FOXP2: variants seen among roughly 807,000 people sequenced by gnomAD.
The protein encoded by FOXP2 is forkhead box protein P2.
In FOXP2, 12 loss-of-function variants were observed where a neutral mutation model predicts 115.8. The ratio of observed to expected loss-of-function variants is 0.10; its 90% confidence interval spans 0.07 to 0.17. The LOEUF (loss-of-function observed/expected upper bound fraction) is 0.17. Ranked by LOEUF, FOXP2 falls within the 10% of genes least tolerant of loss-of-function variation. The probability of loss-of-function intolerance (pLI) is 1.00; values close to 1 mark genes in which losing one functional copy is unlikely to be tolerated. For synonymous variants in FOXP2, 328 were observed against 297.7 expected (o/e 1.10, Z -1.05); for missense variants, 629 against 843.5 (o/e 0.75, Z 3.15).
At chr7:114,212,887 T>C (rs2129162126) in intron 1 of FOXP2, among the ~76,000 whole-genome samples, 1 of 152,314 alleles carries the variant, frequency 6.6e-6, no homozygotes, top group South Asian at 2.1e-4. Flanking sequence ...GGTGCCAGCT[T>C]TGGCATCTGC....
chr7:114,232,958 AAAG>A (rs1794922413), intron 1 of FOXP2, among the ~76,000 whole-genome samples: 1 of 152,222 alleles, frequency 6.6e-6, no homozygotes, highest in South Asian at 2.1e-4. Context: ...TGAGGTATCT[AAAG>A]TAGTCAAACT....
chr7:114,270,484 A>T (rs1796008586), intron 1 of FOXP2, among the ~76,000 whole-genome samples: 1 of 152,132 alleles, frequency 6.6e-6, no homozygotes, highest in Non-Finnish European at 1.5e-5. Flanking sequence ...TCAGCATTTG[A>T]TGTTGCCAGT....
chr7:114,384,789 C>T (rs760913780), intron 2 of FOXP2, among the ~76,000 whole-genome samples: 2 of 151,334 alleles, frequency 1.3e-5, no homozygotes, highest in East Asian at 1.9e-4. Context: ...GCGCTCACAA[C>T]GAGGTTTCCT....
At chr7:114,190,020 T>C (rs2129157113) in intron 1 of FOXP2, among the ~76,000 whole-genome samples, 1 of 152,312 alleles carries the variant, frequency 6.6e-6, no homozygotes, top group African/African-American at 2.4e-5. Flanking sequence ...ATGTACTCAC[T>C]TGATGCATTC....
At chr7:114,144,551 C>T (rs1792312955) in intron 1 of FOXP2, among the ~76,000 whole-genome samples, 1 of 152,030 alleles carries the variant, frequency 6.6e-6, no homozygotes, top group African/African-American at 2.4e-5. Context: ...AGTAGATCTT[C>T]TAACCATGTT....
chr7:114,467,778 C>A (rs933655767), intron 2 of FOXP2, among the ~76,000 whole-genome samples: 6 of 152,088 alleles, frequency 3.9e-5, no homozygotes, highest in African/African-American at 1.4e-4. Context: ...TTAATATTGT[C>A]ATTTTTGAAA....
At chr7:114,093,766 T>C (rs1342376036) in intron 1 of FOXP2, among the ~76,000 whole-genome samples, 1 of 152,114 alleles carries the variant, frequency 6.6e-6, no homozygotes, top group Non-Finnish European at 1.5e-5. Flanking sequence ...TAAATATAGA[T>C]TTTAAAATCT....
chr7:114,420,144 A>G (rs994637251), intron 1 of FOXP2, among the ~76,000 whole-genome samples: 1 of 151,848 alleles, frequency 6.6e-6, no homozygotes, highest in African/African-American at 2.4e-5. Context: ...CCTGAGGGTT[A>G]AGGAAAGATA....
chr7:114,271,600 ATAT>A (rs1796046338), intron 1 of FOXP2, among the ~76,000 whole-genome samples: 1 of 124,140 alleles, frequency 8.1e-6, no homozygotes, highest in Admixed American at 1.0e-4. Context: ...TTATAATATA[ATAT>A]TAATATATAA....
chr7:114,372,953 G>T (rs1584674424), intron 2 of FOXP2, among the ~76,000 whole-genome samples: 2 of 151,506 alleles, frequency 1.3e-5, no homozygotes, highest in Admixed American at 1.3e-4. Context: ...GGATTTATCT[G>T]TTCATTTGTG....
At chr7:114,133,985 A>G (rs1424578484) in intron 1 of FOXP2, among the ~76,000 whole-genome samples, 2 of 152,170 alleles carry the variant, frequency 1.3e-5, no homozygotes, top group East Asian at 1.9e-4. Flanking sequence ...TAGCAACACA[A>G]AACAGACTAA....
At chr7:114,508,591 C>T (rs933363281) in intron 2 of FOXP2, among the ~76,000 whole-genome samples, 1 of 152,026 alleles carries the variant, frequency 6.6e-6, no homozygotes, top group South Asian at 2.1e-4. Flanking sequence ...AGCAGGAAAC[C>T]TAAAGGGTGG....
Position 114,288,267 on chromosome 7 carries a change from T to C in FOXP2, c.-11+158T>C, listed in dbSNP as rs193076681. ...AATTGAGACATGTTAAGTGTGGCAGTAGAAATATTAATCACTGCTATTGGG... is the reference window on the plus strand; with the variant it reads ...AATTGAGACATGTTAAGTGTGGCAGCAGAAATATTAATCACTGCTATTGGG... On this transcript the variant is annotated intron_variant, in intron 2 of 17. Transcript: ENST00000634411. Among the ~76,000 whole-genome samples, 194 of 152,082 alleles carry C rather than the reference T, an allele frequency of 1.3e-3. 1 individual carries two copies. The highest frequency in any genetic ancestry group is 4.3e-3 in the African/African-American group (180 of 41,564).
chr7:114,312,507 C>A (rs1039158467), intron 2 of FOXP2, among the ~76,000 whole-genome samples: 1 of 152,114 alleles, frequency 6.6e-6, no homozygotes, highest in South Asian at 2.1e-4. Context: ...TCCAGCAAAC[C>A]GTGTCTCTGT....
At chr7:114,214,128 T>G (rs1254560482) in intron 1 of FOXP2, among the ~76,000 whole-genome samples, 1 of 152,216 alleles carries the variant, frequency 6.6e-6, no homozygotes, top group Non-Finnish European at 1.5e-5. Flanking sequence ...GAATGTTTGC[T>G]CCATGTGAGA....
At chr7:114,519,759 C>T (rs1004542367) in intron 2 of FOXP2, among the ~76,000 whole-genome samples, 6 of 151,984 alleles carry the variant, frequency 3.9e-5, no homozygotes, top group South Asian at 4.2e-4. Flanking sequence ...TAATGTCTTC[C>T]GAGACAATGG....
chr7:114,460,456 T>C (rs757701059), intron 2 of FOXP2, among the ~76,000 whole-genome samples: 9 of 152,224 alleles, frequency 5.9e-5, no homozygotes, highest in Non-Finnish European at 5.9e-5. Flanking sequence ...AGTTGTCTAG[T>C]GCAATGTAAA....
At chr7:114,443,281 G>A (rs777046085) in intron 2 of FOXP2, among the ~76,000 whole-genome samples, 12 of 152,160 alleles carry the variant, frequency 7.9e-5, no homozygotes, top group East Asian at 3.9e-4. Context: ...TTTGTCTCAC[G>A]TTATGCATTC....
intron 2 of FOXP2, among the ~76,000 whole-genome samples, chr7:114,519,649 T>C (rs1798514656): frequency 6.6e-6 from 1 of 152,168 alleles, no homozygotes; most frequent in Non-Finnish European, 1.5e-5. Context: ...TGCCAAAATG[T>C]GTCCTCCATG....
Sources: gnomAD v4.1 joint callset for allele counts (sites outside exome capture counted in the v4.1 genomes callset) on GRCh38, gnomAD v4.1.1 for gene constraint, MANE v1.5 for transcripts, NCBI Gene and HGNC (gene_info 2026-07-23, HGNC 2026-07-21) for gene names.